Variants in STAB2 observed in about 807,000 individuals in gnomAD.
STAB2 encodes stabilin 2, also known as stabilin-2.
A neutral mutation model predicts 338.1 loss-of-function variants in STAB2; 288 were observed. That is an observed-to-expected ratio of 0.85 (90% CI 0.77 to 0.94). The LOEUF (loss-of-function observed/expected upper bound fraction) is 0.94, where lower values mean the gene tolerates loss of function less well. STAB2 is among the 40% of genes least tolerant of loss of function. The pLI, the probability that STAB2 is intolerant of heterozygous loss-of-function variation, is 0.00. For missense variants in STAB2, 3,141 were observed against 3,210.1 expected (o/e 0.98, Z 0.52); for synonymous variants, 1,202 against 1,193.3 (o/e 1.01, Z -0.15).
intron 5 of STAB2, among the ~76,000 whole-genome samples, chr12:103,630,743 A>T (rs1485085759): frequency 6.6e-6 from 1 of 152,240 alleles, no homozygotes; most frequent in East Asian, 1.9e-4. Flanking sequence ...AGGAATAAAG[A>T]TGGGCTCTAG....
chr12:103,735,411 GT>G, intron 51 of STAB2, 79 bp from the exon 52 acceptor site: 1 of 1,023,550 alleles, frequency 9.8e-7, no homozygotes. Context: ...TCTGAATTTG[GT>G]TTTTTGGTAA....
intron 27 of STAB2, among the ~76,000 whole-genome samples, chr12:103,685,455 C>T (rs34339092): frequency 0.17 from 22,193 of 131,764 alleles, 1,914 homozygotes; most frequent in East Asian, 0.32. Context: ...TGTGTGTGTG[C>T]GCGTGCGTGT....
At chr12:103,646,879 G>A (rs1418751971) in intron 9 of STAB2, among the ~76,000 whole-genome samples, 6 of 152,180 alleles carry the variant, frequency 3.9e-5, no homozygotes, top group Admixed American at 3.9e-4. Flanking sequence ...TTGTGATAGA[G>A]GTATCGATGG....
intron 6 of STAB2, among the ~76,000 whole-genome samples, chr12:103,632,339 T>A (rs1168196869): frequency 6.6e-6 from 1 of 152,158 alleles, no homozygotes; most frequent in South Asian, 2.1e-4. Context: ...GGATGGAGCA[T>A]AACAAAGGAA....
chr12:103,727,745 C>G (rs1881325752), intron 47 of STAB2, among the ~76,000 whole-genome samples: 1 of 152,148 alleles, frequency 6.6e-6, no homozygotes, highest in African/African-American at 2.4e-5. Flanking sequence ...TTCACGGGGG[C>G]TCTTCATACT....
chr12:103,652,593 A>C lies in STAB2; in HGVS notation c.1295A>C (p.Tyr432Ser), dbSNP rs145445997. The C allele has an allele frequency of 1.0e-4, 166 of 1,607,948 alleles. No individual in the cohort carries two copies. The African/African-American group carries it at 1.9e-3, about 18-fold the overall frequency. Reference sequence around the variant, plus strand: ...TTGGTGGATAATAAAGCTGCTCAATACTTTGTGAAACTCCACATAATTGCT... The same window carrying C: ...TTGGTGGATAATAAAGCTGCTCAATCCTTTGTGAAACTCCACATAATTGCT... The part of the protein sequence containing the change: ...ELLVDNKAAQ[Y>S]FVKLHIIAGQ... The change falls in exon 12 of 69, where the codon TAC (tyrosine) becomes TCC (serine). Residue 432 changes from tyrosine to serine, a missense_variant. Coordinates refer to ENST00000388887, the MANE Select transcript of STAB2 (RefSeq NM_017564.10).
intron 1 of STAB2, among the ~76,000 whole-genome samples, chr12:103,588,690 A>T (rs1425063533): frequency 6.6e-6 from 1 of 152,236 alleles, no homozygotes; most frequent in Non-Finnish European, 1.5e-5. Context: ...TCTTAAGAAG[A>T]GGGTTTTAAA....
chr12:103,667,274 G>A (rs1875199010), intron 19 of STAB2, among the ~76,000 whole-genome samples: 1 of 152,220 alleles, frequency 6.6e-6, no homozygotes, highest in Admixed American at 6.5e-5. Context: ...ATGCTGTCAA[G>A]CAGGGAATGT....
chr12:103,627,254 C>G (rs1331571970), intron 5 of STAB2, among the ~76,000 whole-genome samples: 1 of 152,136 alleles, frequency 6.6e-6, no homozygotes, highest in Non-Finnish European at 1.5e-5. Context: ...ACACACCAGA[C>G]AGGTGAAGTG....
intron 55 of STAB2, among the ~76,000 whole-genome samples, chr12:103,741,470 T>G (rs1882578686): frequency 1.3e-5 from 2 of 152,266 alleles, no homozygotes; most frequent in African/African-American, 4.8e-5. Flanking sequence ...CTGACTTTTT[T>G]TGAGAGAGGG....
chr12:103,619,655 A>G (rs1304310802), intron 3 of STAB2, among the ~76,000 whole-genome samples: 1 of 152,118 alleles, frequency 6.6e-6, no homozygotes, highest in Non-Finnish European at 1.5e-5. Flanking sequence ...GCACATTAGG[A>G]ATCAGCTTCC....
chr12:103,619,970 G>C (rs1002979554), intron 3 of STAB2, among the ~76,000 whole-genome samples: 21 of 152,032 alleles, frequency 1.4e-4, no homozygotes, highest in African/African-American at 5.1e-4. Flanking sequence ...GATGTCTCTC[G>C]GGCTCCCTAA....
chr12:103,609,425 A>C (rs1424007692), intron 3 of STAB2, among the ~76,000 whole-genome samples: 1 of 152,110 alleles, frequency 6.6e-6, no homozygotes, highest in African/African-American at 2.4e-5. Context: ...TTGGATTGCT[A>C]GGTATTTTAT....
At chr12:103,714,966 A>G (rs190897609) in intron 42 of STAB2, among the ~76,000 whole-genome samples, 167 of 152,282 alleles carry the variant, frequency 1.1e-3, no homozygotes, top group Non-Finnish European at 2.1e-3. Flanking sequence ...TTTTTCCTCC[A>G]GTGAGGGATC....
chr12:103,587,300 C>T lies in STAB2; in HGVS notation c.-177C>T, dbSNP rs1258680329. 1.7e-6 allele frequency: 1 copy of T among 604,698 alleles called. No homozygotes were observed. The highest frequency in any genetic ancestry group is 2.9e-5 in the East Asian group (1 of 35,058). The allele number at this position is 604,698 out of a possible 1,614,324, so 37.5% of individuals were successfully genotyped here. ...CAAGACTCCTGGATTTGCCATTTTT[C>T]CTTTCTGAAGGCAGGTCTCACCTAT... On this transcript the variant is annotated 5_prime_UTR_variant, in exon 1 of 69. Coordinates refer to ENST00000388887, the MANE Select transcript of STAB2 (RefSeq NM_017564.10).
intron 24 of STAB2, 119 bp downstream of exon 24, chr12:103,676,140 C>A: frequency 1.7e-6 from 1 of 602,022 alleles, no homozygotes; most frequent in South Asian, 2.5e-5. Context: ...TGGCTCACTG[C>A]AACATCCGCC....
intron 2 of STAB2, chr12:103,592,030 C>A (rs1288196107): frequency 6.6e-6 from 1 of 151,980 alleles, no homozygotes; most frequent in Non-Finnish European, 1.5e-5. Context: ...AATGTGACCA[C>A]ACTATATTCT....
chr12:103,649,349 C>T (rs1873567216), intron 10 of STAB2, among the ~76,000 whole-genome samples: 1 of 152,182 alleles, frequency 6.6e-6, no homozygotes, highest in Non-Finnish European at 1.5e-5. Flanking sequence ...ACACATTCAC[C>T]TCCAGCCCCC....
At chr12:103,668,888 G>C in intron 20 of STAB2, 159 bp downstream of exon 20, 1 of 620,214 alleles carries the variant, frequency 1.6e-6, no homozygotes, top group South Asian at 2.0e-5. Flanking sequence ...ATGGTGGCCA[G>C]ACTCTGTCCT....
Sources: allele counts gnomAD v4.1 joint callset (sites outside exome capture counted in the v4.1 genomes callset), GRCh38; gene constraint gnomAD v4.1.1; transcripts MANE v1.5; gene names NCBI Gene and HGNC (gene_info 2026-07-23, HGNC 2026-07-21).